The following PRPF6 variants were observed in gnomAD, a reference collection of about 807,000 sequenced individuals.
PRPF6 encodes pre-mRNA processing factor 6.
PRPF6 carries 42 observed loss-of-function variants against 118.3 expected under a neutral mutation model. The ratio of observed to expected loss-of-function variants is 0.35; its 90% CI spans 0.28 to 0.46. The LOEUF (loss-of-function observed/expected upper bound fraction) is 0.46. Among genes scored for constraint, PRPF6 ranks in the 20% least tolerant of loss-of-function variants. The probability of loss-of-function intolerance (pLI) is 1.00; values close to 1 mark genes in which losing one functional copy is unlikely to be tolerated. For missense variants in PRPF6, 662 were observed against 1,255.7 expected (o/e 0.53, Z 7.15); for synonymous variants, 481 against 485.1 (o/e 0.99, Z 0.11).
intron 11 of PRPF6, among the ~76,000 whole-genome samples, chr20:64,013,411 C>T (rs1035222090): frequency 1.4e-4 from 21 of 151,480 alleles, no homozygotes; most frequent in African/African-American, 5.1e-4. Context: ...GACAGTTTGT[C>T]TTTCTTTCCT....
chr20:63,991,871 T>C (rs1001850619), intron 3 of PRPF6, among the ~76,000 whole-genome samples: 1 of 152,218 alleles, frequency 6.6e-6, no homozygotes, highest in African/African-American at 2.4e-5. Flanking sequence ...AGAACAGTAC[T>C]GTGAATACCA....
chr20:63,993,348 T>C, intron 3 of PRPF6, 59 bp from the exon 4 acceptor site: 1 of 1,301,314 alleles, frequency 7.7e-7, no homozygotes, highest in Non-Finnish European at 1.1e-6. Flanking sequence ...AGATGGATAA[T>C]AAATTTGCTT....
At chr20:63,996,964 G>C (rs2059143341) in intron 6 of PRPF6, among the ~76,000 whole-genome samples, 1 of 152,078 alleles carries the variant, frequency 6.6e-6, no homozygotes, top group Non-Finnish European at 1.5e-5. Flanking sequence ...TTTTTTTGTG[G>C]TAAAATATAT....
rs768884280 is a variant in PRPF6 at position 64,029,267 on chromosome 20, A to G, written c.2432-110A>G. 5 of 898,528 alleles carry G rather than the reference A, an allele frequency of 5.6e-6. No homozygotes were observed. The highest frequency in any genetic ancestry group is 9.2e-6 in the Non-Finnish European group (5 of 540,980). 55.7% of individuals were successfully genotyped at this position (898,528 alleles called of 1,614,324 possible). On this transcript the variant is annotated intron_variant, in intron 18 of 20. Coordinates refer to ENST00000266079, the MANE Select transcript of PRPF6 (RefSeq NM_012469.4). This position sits in a 1 kb window ranked among gnomAD's most constrained non-coding sequence, Gnocchi z 4.8. ...ACAAGTTCTGCGAGCCGTGTGTGGG[A>G]GGCCCCTGTCGTGGTCTGAGGACGT... is the stretch of plus-strand genomic sequence containing the variant.
chr20:64,010,516 G>A (rs116887540), intron 10 of PRPF6, among the ~76,000 whole-genome samples, 198 bp downstream of exon 10: 7,703 of 152,346 alleles, frequency 0.051, 262 homozygotes, highest in Non-Finnish European at 0.076. Context: ...GCCTCAGCTA[G>A]CTGTGCTCTT....
At chr20:64,032,792 G>A (rs775468742) in intron 20 of PRPF6, 49 bp from the exon 21 acceptor site, 90 of 1,566,892 alleles carry the variant, frequency 5.7e-5, no homozygotes, top group Non-Finnish European at 7.6e-5. Flanking sequence ...CGAGGTCCGG[G>A]GAGTAGCGTG....
intron 19 of PRPF6, among the ~76,000 whole-genome samples, chr20:64,030,191 G>T (rs2059308906): frequency 6.6e-6 from 1 of 152,230 alleles, no homozygotes; most frequent in Non-Finnish European, 1.5e-5. Flanking sequence ...TGACAGTCTG[G>T]GAAGGAGCTG....
At chr20:64,022,672 A>T in intron 12 of PRPF6, 85 bp from the exon 13 acceptor site, 1 of 1,577,888 alleles carries the variant, frequency 6.3e-7, no homozygotes, top group African/African-American at 1.3e-5. Flanking sequence ...ATCTTTCAGA[A>T]TCGTATGAGC....
At chr20:63,999,491 A>G (rs2059156404) in intron 7 of PRPF6, 112 bp from the exon 8 acceptor site, 5 of 1,416,784 alleles carry the variant, frequency 3.5e-6, no homozygotes, top group South Asian at 2.3e-5. Flanking sequence ...AACTCAGGAC[A>G]TCAGGACTGA....
At chr20:64,031,829 T>C (rs776515923) in intron 19 of PRPF6, 89 bp from the exon 20 acceptor site, 9 of 1,575,684 alleles carry the variant, frequency 5.7e-6, no homozygotes, top group Non-Finnish European at 7.9e-6. Context: ...GGGTCAGGGA[T>C]GAAGCTGATG....
intron 11 of PRPF6, among the ~76,000 whole-genome samples, chr20:64,014,422 A>G (rs1015870907): frequency 1.3e-4 from 20 of 151,610 alleles, no homozygotes; most frequent in African/African-American, 4.8e-4. Flanking sequence ...TGCGGGGCTG[A>G]GGCGGGTGGA....
In PRPF6 at chr20:64,011,447, G is replaced by A; in HGVS notation, c.1468G>A (p.Ala490Thr). 2 of 1,614,178 alleles carry A rather than the reference G, an allele frequency of 1.2e-6. No homozygotes were observed. Among genetic ancestry groups the A allele is most frequent in the Non-Finnish European group, 1.7e-6 (2 of 1,180,052 alleles). ...TQMVEKIIDR[A>T]ITSLRANGVE... Reference sequence around the variant, plus strand: ...GATGGTGGAGAAGATCATCGACCGAGCCATCACCTCGCTGCGGGCCAACGG... The same window carrying A: ...GATGGTGGAGAAGATCATCGACCGAACCATCACCTCGCTGCGGGCCAACGG... The change falls in exon 11 of 21, where the codon GCC becomes ACC. Residue 490 changes from alanine (A) to threonine (T), a missense_variant. Physicochemically the swap from Ala to Thr is moderately conservative, Grantham distance 58 (BLOSUM62 0). Around this residue, in one of 10 missense-constraint regions of PRPF6, gnomAD observed 189 missense variants for 323.5 expected, o/e 0.58. Transcript: ENST00000266079. The surrounding 1 kb of genome is among the most constrained non-coding windows in gnomAD (Gnocchi z 6.7).
chr20:63,999,066 C>T lies in PRPF6; in HGVS notation c.793C>T (p.Gln265Ter), dbSNP rs1569215281. The T allele has an allele frequency of 6.2e-7, 1 of 1,613,736 alleles. No individual in the cohort carries two copies. Among genetic ancestry groups the T allele is most frequent in the Non-Finnish European group, 8.5e-7 (1 of 1,179,864 alleles). The change falls in exon 7 of 21, where the codon CAG becomes TAG. Residue 265 changes from glutamine (Q) to a stop codon, truncating the protein, a stop_gained. Coordinates refer to ENST00000266079, the MANE Select transcript of PRPF6 (RefSeq NM_012469.4). LOFTEE classifies it high-confidence loss of function. ...ACAGGTGTCTGACTCCGTGAGTGGA[C>T]AGACCGTCGTTGACCCCAAAGGCTA... ...LSQVSDSVSG[Q>*]TVVDPKGYLT... is the part of the protein sequence containing the mutation.
chr20:64,017,629 G>C (rs1254205753), intron 12 of PRPF6, among the ~76,000 whole-genome samples: 1 of 149,910 alleles, frequency 6.7e-6, no homozygotes. Context: ...ATGAGCCGCC[G>C]CGCCCGGCCT....
chr20:64,024,582 GGCTGTGGCCCACTGCCCCAAAGCAGAGGT>G lies in PRPF6; in HGVS notation c.1806_1834del (p.Cys604GlyfsTer29). The G allele has an allele frequency of 6.2e-7, 1 of 1,613,640 alleles. No homozygotes were observed. The highest frequency in any genetic ancestry group is 8.5e-7 in the Non-Finnish European group (1 of 1,180,036). ...AGTCCCTGGAAGCACTCCTGCAGAG[GGCTGTGGCCCACTGCCCCAAAGCAGAGGT>G]GCTGTGGCTCATGGGCGCCAAGTCC... On this transcript the variant is annotated frameshift_variant, in exon 14 of 21. Coordinates refer to ENST00000266079, the MANE Select transcript of PRPF6 (RefSeq NM_012469.4). LOFTEE classifies it high-confidence loss of function.
At chr20:64,032,112 G>A in intron 20 of PRPF6, 68 bp downstream of exon 20, 1 of 1,608,200 alleles carries the variant, frequency 6.2e-7, no homozygotes, top group South Asian at 1.1e-5. Flanking sequence ...CGCCAGCCCT[G>A]GGGGCTCTAG....
At chr20:63,991,606 A>G (rs1021198994) in intron 3 of PRPF6, among the ~76,000 whole-genome samples, 4 of 152,236 alleles carry the variant, frequency 2.6e-5, no homozygotes, top group Non-Finnish European at 5.9e-5. Context: ...CCTGGCCAAC[A>G]TGGTGAAACC....
intron 9 of PRPF6, among the ~76,000 whole-genome samples, chr20:64,002,000 GT>G (rs1292061062): frequency 2.3e-4 from 24 of 102,976 alleles, no homozygotes; most frequent in Admixed American, 1.0e-3. Context: ...TTCATTTTTT[GT>G]TTTTTTTTTC....
intron 20 of PRPF6, among the ~76,000 whole-genome samples, chr20:64,032,430 C>T (rs560464833): frequency 2.6e-5 from 4 of 152,350 alleles, no homozygotes; most frequent in African/African-American, 9.6e-5. Flanking sequence ...GGGCAGCAGC[C>T]CCTCTGCTCC....
Sources: allele counts gnomAD v4.1 joint callset (sites outside exome capture counted in the v4.1 genomes callset), GRCh38; gene constraint gnomAD v4.1.1; regional missense constraint gnomAD v4.1.1; non-coding constraint Gnocchi (gnomAD v3.1); transcripts MANE v1.5; gene names NCBI Gene and HGNC (gene_info 2026-07-23, HGNC 2026-07-21).